COL25A1: variants seen among roughly 807,000 people sequenced by gnomAD.
COL25A1 encodes collagen type XXV alpha 1 chain, also known as collagen alpha-1(XXV) chain.
In COL25A1, 103 loss-of-function variants were observed where a neutral mutation model predicts 128.4. That is an observed-to-expected ratio of 0.80 (90% confidence interval 0.68 to 0.94). The LOEUF (loss-of-function observed/expected upper bound fraction) is 0.94, where lower values mean the gene tolerates loss of function less well. Ranked by LOEUF, COL25A1 falls within the 40% of genes least tolerant of loss-of-function variation. The probability of loss-of-function intolerance (pLI) is 0.00; values close to 1 mark genes in which losing one functional copy is unlikely to be tolerated. For missense variants in COL25A1, 745 were observed against 840.0 expected (o/e 0.89, Z 1.40); for synonymous variants, 279 against 277.2 (o/e 1.01, Z -0.06).
At chr4:108,999,179 A>T (rs1038200630) in intron 6 of COL25A1, among the ~76,000 whole-genome samples, 1 of 95,294 alleles carries the variant, frequency 1.0e-5, no homozygotes, top group Non-Finnish European at 2.4e-5. Flanking sequence ...TGAACAGGTA[A>T]CCTAAAGAAT....
At chr4:108,937,969 A>G in intron 10 of COL25A1, 126 bp from the exon 11 acceptor site, 1 of 673,470 alleles carries the variant, frequency 1.5e-6, no homozygotes. Context: ...TAAATAGAGG[A>G]ATGTAGCACA....
chr4:108,846,820 G>A (rs936338202), intron 27 of COL25A1, among the ~76,000 whole-genome samples: 9 of 151,948 alleles, frequency 5.9e-5, no homozygotes, highest in African/African-American at 2.2e-4. Context: ...TCTATGAGAT[G>A]AGTCAGAATG....
chr4:109,060,030 A>C (rs191105796), intron 3 of COL25A1, among the ~76,000 whole-genome samples: 4 of 152,326 alleles, frequency 2.6e-5, no homozygotes, highest in Admixed American at 2.6e-4. Context: ...GACTTTGGAC[A>C]AATTAACCTC....
At chr4:109,007,372 G>A (rs1526139) in intron 6 of COL25A1, among the ~76,000 whole-genome samples, 37,000 of 152,028 alleles carry the variant, frequency 0.24, 6,577 homozygotes, top group African/African-American at 0.5. Flanking sequence ...ATAAATATGA[G>A]CACTTAGAAA....
At position 109,075,916 on chromosome 4, in the gene COL25A1, G is replaced by A. The variant is rs540710719; in HGVS notation, c.368-25737C>T. On this transcript the variant is annotated intron_variant, in intron 3 of 37. Transcript: ENST00000399132. ...CCTCAGTATCCATGCATTCTGTATCGCAGATTCAACCAACCACAGATAGAA... is the reference window on the plus strand; with the variant it reads ...CCTCAGTATCCATGCATTCTGTATCACAGATTCAACCAACCACAGATAGAA... 8.5e-5 allele frequency among the ~76,000 whole-genome samples: 13 copies of A among 152,158 alleles called. No homozygotes were observed. In the East Asian group the frequency reaches 1.5e-3, roughly 18 times the overall value.
chr4:109,120,218 C>A (rs1177096507), intron 3 of COL25A1, among the ~76,000 whole-genome samples: 2 of 152,056 alleles, frequency 1.3e-5, no homozygotes, highest in East Asian at 3.9e-4. Flanking sequence ...AGATCAGGAA[C>A]AAGGCAAGAT....
chr4:109,165,463 CCCAGCA>C (rs1772983772), intron 3 of COL25A1, among the ~76,000 whole-genome samples: 1 of 152,160 alleles, frequency 6.6e-6, no homozygotes, highest in Non-Finnish European at 1.5e-5. Flanking sequence ...CGTCTGTAAT[CCCAGCA>C]CTTTGGGAGG....
At position 109,302,011 on chromosome 4, in the gene COL25A1, C is replaced by G. The variant is rs372583416; in HGVS notation, c.9G>C (p.Leu3=). 1.8e-5 allele frequency: 28 copies of G among 1,589,906 alleles called. No individual in the cohort carries two copies. Among genetic ancestry groups the G allele is most frequent in the Non-Finnish European group, 2.4e-5 (28 of 1,169,254 alleles). ML[L]KKHAGKGGGR... ...CCCCTCCTTTCCCTGCGTGCTTCTT[C>G]AGCAGCATCGTGGCGGGGTCGGCCG... is the stretch of plus-strand genomic sequence containing the variant. The change falls in exon 2 of 38, where the codon CTG becomes CTC. Residue 3 remains leucine, a synonymous_variant. Coordinates refer to ENST00000399132, the MANE Select transcript of COL25A1 (RefSeq NM_198721.4).
At chr4:109,198,910 A>C (rs1776332943) in intron 3 of COL25A1, among the ~76,000 whole-genome samples, 1 of 152,184 alleles carries the variant, frequency 6.6e-6, no homozygotes, top group Admixed American at 6.6e-5. Flanking sequence ...AACACTAAAC[A>C]CTTCCCTGTA....
intron 3 of COL25A1, among the ~76,000 whole-genome samples, chr4:109,092,498 C>G (rs1431559595): frequency 1.3e-5 from 2 of 152,122 alleles, no homozygotes; most frequent in African/African-American, 4.8e-5. Context: ...TGCGTGCACA[C>G]ACCACGCCAC....
intron 8 of COL25A1, among the ~76,000 whole-genome samples, chr4:108,943,449 C>T (rs1172563940): frequency 2.6e-5 from 4 of 152,168 alleles, no homozygotes. Context: ...TTTCTCTCTC[C>T]AATCATATGA....
chr4:108,861,841 G>A (rs969194863), intron 22 of COL25A1, among the ~76,000 whole-genome samples: 5 of 152,082 alleles, frequency 3.3e-5, no homozygotes, highest in Non-Finnish European at 7.4e-5. Flanking sequence ...CCTATAAACT[G>A]GGTAAGGATG....
At chr4:109,169,905 T>C (rs1305594628) in intron 3 of COL25A1, among the ~76,000 whole-genome samples, 1 of 152,164 alleles carries the variant, frequency 6.6e-6, no homozygotes, top group Non-Finnish European at 1.5e-5. Flanking sequence ...CAATTCAATA[T>C]TTAAAATTCC....
intron 3 of COL25A1, among the ~76,000 whole-genome samples, chr4:109,110,677 C>A (rs1477308362): frequency 1.3e-5 from 2 of 152,106 alleles, no homozygotes; most frequent in African/African-American, 4.8e-5. Flanking sequence ...TCCTGCTCCT[C>A]CTTTTCCTGC....
intron 37 of COL25A1, among the ~76,000 whole-genome samples, chr4:108,815,762 A>G (rs1187501087): frequency 6.6e-6 from 1 of 152,168 alleles, no homozygotes. Flanking sequence ...AACCAAAAAG[A>G]TGATGAGTTC....
chr4:108,994,143 G>A (rs1017505003), intron 6 of COL25A1, among the ~76,000 whole-genome samples: 3 of 152,220 alleles, frequency 2.0e-5, no homozygotes, highest in Admixed American at 2.0e-4. Context: ...ACCTGAAGCA[G>A]GGAGGGGCAT....
chr4:108,978,166 C>T (rs146151646), intron 6 of COL25A1, among the ~76,000 whole-genome samples: 246 of 152,334 alleles, frequency 1.6e-3, no homozygotes, highest in African/African-American at 5.8e-3. Flanking sequence ...ATTGCTGCCT[C>T]AAAAGATGGT....
chr4:109,269,181 T>C (rs1207355852), intron 3 of COL25A1, among the ~76,000 whole-genome samples: 2 of 150,342 alleles, frequency 1.3e-5, no homozygotes, highest in African/African-American at 2.4e-5. Context: ...GAATATGCGG[T>C]GTTTGGTTTT....
At chr4:109,165,669 A>T (rs967782662) in intron 3 of COL25A1, among the ~76,000 whole-genome samples, 2 of 152,184 alleles carry the variant, frequency 1.3e-5, no homozygotes, top group Non-Finnish European at 1.5e-5. Context: ...GTGAGCTATG[A>T]TCATGCCACT....
Sources: gnomAD v4.1 joint callset for allele counts (sites outside exome capture counted in the v4.1 genomes callset) on GRCh38, gnomAD v4.1.1 for gene constraint, MANE v1.5 for transcripts, NCBI Gene and HGNC (gene_info 2026-07-23, HGNC 2026-07-21) for gene names.